The following RBM46 variants were observed in gnomAD, a reference collection of about 807,000 sequenced individuals.
RBM46 encodes the protein RNA binding motif protein 46, also known as probable RNA-binding protein 46.
In RBM46, 12 loss-of-function variants were observed where a neutral mutation model predicts 43.3. The ratio of observed to expected loss-of-function variants is 0.28; its 90% CI spans 0.18 to 0.45. RBM46 has a LOEUF of 0.45. RBM46 is among the 20% of genes least tolerant of loss of function. The pLI, the probability that RBM46 is intolerant of heterozygous loss-of-function variation, is 1.00. For missense variants in RBM46, 412 were observed against 639.1 expected, an observed-to-expected ratio of 0.64 and a Z score of 3.83; for synonymous variants, 205 against 207.6, an observed-to-expected ratio of 0.99 and a Z score of 0.11.
At chr4:154,812,833 C>T (rs940354152) in intron 4 of RBM46, among the ~76,000 whole-genome samples, 1 of 152,172 alleles carries the variant, frequency 6.6e-6, no homozygotes, top group Admixed American at 6.5e-5. Context: ...ATTGGTAGGT[C>T]TAGGCCTTTC....
Position 154,828,369 on chromosome 4 carries a change from TG to T in RBM46, c.*303del, listed in dbSNP as rs1463457743. 74 of 212,518 alleles carry T rather than the reference TG, an allele frequency of 3.5e-4. No homozygotes were observed. The highest frequency in any genetic ancestry group is 9.9e-4 in the East Asian group (8 of 8,084). 13.2% of individuals were successfully genotyped at this position (212,518 alleles called of 1,614,324 possible). On this transcript the variant is annotated 3_prime_UTR_variant, in exon 5 of 5. Coordinates refer to ENST00000281722, the MANE Select transcript of RBM46 (RefSeq NM_144979.5). Reference sequence around the variant, plus strand: ...GTGGGCAATAGAACCTAGTCATTTATGTTTTTTTTTTTTTTTGCATAATTTT... The same window carrying T: ...GTGGGCAATAGAACCTAGTCATTTATTTTTTTTTTTTTTTTGCATAATTTT...
intron 1 of RBM46, among the ~76,000 whole-genome samples, chr4:154,790,771 G>A (rs1008180644): frequency 3.3e-5 from 5 of 152,164 alleles, no homozygotes; most frequent in South Asian, 2.1e-4. Flanking sequence ...TTGGAAAAGC[G>A]GGAAAAATTA....
chr4:154,817,928 A>G (rs1238143500), intron 4 of RBM46, among the ~76,000 whole-genome samples: 3 of 152,042 alleles, frequency 2.0e-5, no homozygotes, highest in Admixed American at 2.0e-4. Flanking sequence ...ATAAATGCCA[A>G]CATGCATTCC....
At chr4:154,809,628 A>G (rs1483007087) in intron 4 of RBM46, among the ~76,000 whole-genome samples, 5 of 152,090 alleles carry the variant, frequency 3.3e-5, no homozygotes, top group Non-Finnish European at 7.4e-5. Context: ...GCTTAGGAAA[A>G]GTTGGAAAGA....
chr4:154,825,847 G>A (rs1008087138), intron 4 of RBM46, among the ~76,000 whole-genome samples: 2 of 152,160 alleles, frequency 1.3e-5, no homozygotes, highest in Non-Finnish European at 2.9e-5. Context: ...TAAATAGGCT[G>A]CATTACCTCT....
chr4:154,783,014 C>A (rs963214692), intron 1 of RBM46, among the ~76,000 whole-genome samples: 3 of 152,174 alleles, frequency 2.0e-5, no homozygotes, highest in African/African-American at 7.2e-5. Context: ...AGAATTGAAT[C>A]TCCTTATGGG....
chr4:154,798,773 T>C lies in RBM46; in HGVS notation c.620-9T>C. ...TAATTCTCTTCAAATTATTATTTTT[T>C]TTTTACAGGAACATTCCAACTATGG... On this transcript the variant is annotated splice_polypyrimidine_tract_variant and intron_variant, in intron 3 of 4. Transcript: ENST00000281722. 1 of 1,437,712 alleles carries C rather than the reference T, an allele frequency of 7.0e-7. No individual in the cohort carries two copies. Among genetic ancestry groups the C allele is most frequent in the Non-Finnish European group, 9.1e-7 (1 of 1,095,650 alleles). The allele number at this position is 1,437,712 out of a possible 1,614,324, so 89.1% of individuals were successfully genotyped here. A position where few individuals can be genotyped will look rare whatever the true frequency, so the allele number is the denominator to read the frequency against.
Position 154,781,405 on chromosome 4 carries a change from G to GA in RBM46, c.-42dup, listed in dbSNP as rs1348294027. Reference sequence around the variant, plus strand: ...GCGGTTTTTGGTCGTTGGGCCCCGGGATTTAGGACCAACATTTGAAGACCC... The same window carrying GA: ...GCGGTTTTTGGTCGTTGGGCCCCGGGAATTTAGGACCAACATTTGAAGACCC... On this transcript the variant is annotated 5_prime_UTR_variant, in exon 1 of 5. Transcript: ENST00000281722. 2.0e-5 allele frequency: 3 copies of GA among 152,300 alleles called. No homozygotes were observed. The highest frequency in any genetic ancestry group is 4.4e-5 in the Non-Finnish European group (3 of 68,124). The allele number at this position is 152,300 out of a possible 1,614,324, so 9.4% of individuals were successfully genotyped here. A position where few individuals can be genotyped will look rare whatever the true frequency, so the allele number is the denominator to read the frequency against.
At position 154,828,116 on chromosome 4, in the gene RBM46, A is replaced by G; in HGVS notation, c.*49A>G. The G allele has an allele frequency of 7.5e-7, 1 of 1,331,720 alleles. No homozygotes were observed. Among genetic ancestry groups the G allele is most frequent in the Non-Finnish European group, 1.1e-6 (1 of 927,710 alleles). The allele number at this position is 1,331,720 out of a possible 1,614,324, so 82.5% of individuals were successfully genotyped here. On this transcript the variant is annotated 3_prime_UTR_variant, in exon 5 of 5. Transcript: ENST00000281722. ...AAATTTGTGTAAATTTGTAGTATGA[A>G]AACTTGCAAATTAAAATATTGTTTT...
chr4:154,799,659 G>A, intron 4 of RBM46, 95 bp downstream of exon 4: 3 of 810,980 alleles, frequency 3.7e-6, no homozygotes, highest in Non-Finnish European at 5.4e-6. Flanking sequence ...CAACATTAGT[G>A]GTAAGTATGT....
At chr4:154,782,140 C>T (rs1057345586) in intron 1 of RBM46, among the ~76,000 whole-genome samples, 1 of 152,208 alleles carries the variant, frequency 6.6e-6, no homozygotes, top group Non-Finnish European at 1.5e-5. Context: ...CTCGCCTCTC[C>T]CCCGACACAC....
intron 4 of RBM46, 154 bp from the exon 5 acceptor site, chr4:154,827,714 T>C (rs1736031291): frequency 6.9e-7 from 1 of 1,456,994 alleles, no homozygotes; most frequent in Non-Finnish European, 9.0e-7. Context: ...CAGTGAATGC[T>C]GAAATAATCT....
At chr4:154,810,376 C>T (rs1735118049) in intron 4 of RBM46, among the ~76,000 whole-genome samples, 1 of 152,088 alleles carries the variant, frequency 6.6e-6, no homozygotes, top group African/African-American at 2.4e-5. Flanking sequence ...TTAATTCAAC[C>T]TTGACAACTT....
intron 4 of RBM46, among the ~76,000 whole-genome samples, chr4:154,805,270 C>A (rs1181929075): frequency 1.3e-5 from 2 of 152,040 alleles, no homozygotes; most frequent in South Asian, 4.1e-4. Flanking sequence ...TTGGATATAT[C>A]TGCTTTTCCT....
rs1482956492 is a variant in RBM46, at chr4:154,828,531, AATG to A, written c.*469_*471del. 1 of 153,942 alleles carries A rather than the reference AATG, an allele frequency of 6.5e-6. No homozygotes were observed. The highest frequency in any genetic ancestry group is 1.4e-5 in the Non-Finnish European group (1 of 69,014). 9.5% of individuals were successfully genotyped at this position (153,942 alleles called of 1,614,324 possible). A position where few individuals can be genotyped will look rare whatever the true frequency, so the allele number is the denominator to read the frequency against. On this transcript the variant is annotated 3_prime_UTR_variant, in exon 5 of 5. Coordinates refer to ENST00000281722, the MANE Select transcript of RBM46 (RefSeq NM_144979.5). The stretch of plus-strand genomic sequence containing the variant: ...AGCATCTAACCATTATGTAAAAAGA[AATG>A]ATGAGACAAAAAGATTAAGATACAA...
intron 4 of RBM46, among the ~76,000 whole-genome samples, chr4:154,804,721 A>G (rs1372721326): frequency 6.6e-6 from 1 of 152,064 alleles, no homozygotes; most frequent in East Asian, 1.9e-4. Context: ...AAAATTTTTA[A>G]AACAGGGATG....
intron 4 of RBM46, among the ~76,000 whole-genome samples, chr4:154,822,120 C>A (rs995346947): frequency 2.6e-5 from 4 of 151,682 alleles, no homozygotes; most frequent in African/African-American, 9.7e-5. Flanking sequence ...TAAAATACAA[C>A]AAAATGCCCA....
At chr4:154,810,915 C>T (rs1292002676) in intron 4 of RBM46, among the ~76,000 whole-genome samples, 1 of 152,116 alleles carries the variant, frequency 6.6e-6, no homozygotes, top group Non-Finnish European at 1.5e-5. Flanking sequence ...ACTATTCATT[C>T]CTTTAGGCTT....
Position 154,828,368 on chromosome 4 carries a change from A to AT in RBM46, c.*302dup. 1.5e-5 allele frequency: 3 copies of AT among 194,198 alleles called. No individual in the cohort carries two copies. Among genetic ancestry groups the AT allele is most frequent in the South Asian group, 7.4e-5 (1 of 13,448 alleles). The allele number at this position is 194,198 out of a possible 1,614,324, so 12.0% of individuals were successfully genotyped here. On this transcript the variant is annotated 3_prime_UTR_variant, in exon 5 of 5. Transcript: ENST00000281722. Reference sequence around the variant, plus strand: ...AGTGGGCAATAGAACCTAGTCATTTATGTTTTTTTTTTTTTTTGCATAATT... The same window carrying AT: ...AGTGGGCAATAGAACCTAGTCATTTATTGTTTTTTTTTTTTTTTGCATAATT...
Sources: gnomAD v4.1 joint callset for allele counts (sites outside exome capture counted in the v4.1 genomes callset) on GRCh38, gnomAD v4.1.1 for gene constraint, MANE v1.5 for transcripts, NCBI Gene and HGNC (gene_info 2026-07-23, HGNC 2026-07-21) for gene names.